SCN3A: variants seen among roughly 807,000 people sequenced by gnomAD.
SCN3A encodes the protein sodium voltage-gated channel alpha subunit 3.
SCN3A carries 60 observed loss-of-function variants against 187.6 expected under a neutral mutation model. The ratio of observed to expected loss-of-function variants is 0.32; its 90% CI spans 0.26 to 0.40. The LOEUF is 0.40. Ranked by LOEUF, SCN3A falls within the 10% of genes least tolerant of loss-of-function variation. The pLI, the probability that SCN3A is intolerant of heterozygous loss-of-function variation, is 1.00. For missense variants in SCN3A, 1,601 were observed against 2,428.2 expected (o/e 0.66, Z 7.16); for synonymous variants, 788 against 829.2 (o/e 0.95, Z 0.85).
intron 15 of SCN3A, 118 bp from the exon 16 acceptor site, chr2:165,131,535 T>A: frequency 1.9e-6 from 1 of 533,580 alleles, no homozygotes; most frequent in Non-Finnish European, 3.2e-6. Context: ...TGAGAGAATG[T>A]GACAAATCAA....
intron 15 of SCN3A, 55 bp from the exon 16 acceptor site, chr2:165,131,472 A>C: frequency 8.0e-7 from 1 of 1,250,902 alleles, no homozygotes; most frequent in Non-Finnish European, 1.1e-6. Context: ...CTGATGCTAC[A>C]CGAATTTATA....
chr2:165,154,492 T>C lies in SCN3A; in HGVS notation c.1340A>G (p.Gln447Arg). ...TTGCTTTTTAAGCTGTTCGAGCATC[T>C]GCTGAAATTCGGCCTCTTTTTGTTC... is the stretch of plus-strand genomic sequence containing the variant. ...EAEQKEAEFQ[Q>R]MLEQLKKQQE... Residue 447 changes from glutamine to arginine, a missense_variant, in exon 11 of 28, where the codon CAG (glutamine) becomes CGG (arginine). By Grantham distance (43) the Gln-to-Arg change is conservative (BLOSUM62 1). Transcript: ENST00000283254. 1 of 1,614,214 alleles carries C rather than the reference T, an allele frequency of 6.2e-7. No homozygotes were observed. Among genetic ancestry groups the C allele is most frequent in the East Asian group, 2.2e-5 (1 of 44,880 alleles).
chr2:165,173,318 C>T (rs1402047856), intron 3 of SCN3A, among the ~76,000 whole-genome samples: 1 of 152,098 alleles, frequency 6.6e-6, no homozygotes, highest in Admixed American at 6.6e-5. Flanking sequence ...GCTCTGGAGT[C>T]GAATGCCTGG....
At position 165,130,082 on chromosome 2, in the gene SCN3A, T is replaced by C. The variant is rs761594098; in HGVS notation, c.2780A>G (p.Asn927Ser). The C allele has an allele frequency of 1.9e-6, 3 of 1,614,148 alleles. No homozygotes were observed. Among genetic ancestry groups the C allele is most frequent in the South Asian group, 2.2e-5 (2 of 91,072 alleles). The change falls in exon 17 of 28, where the codon AAC becomes AGC. Residue 927 changes from asparagine (N) to serine (S), a missense_variant. By Grantham distance (46) the Asn-to-Ser change is conservative. Coordinates refer to ENST00000283254, the MANE Select transcript of SCN3A (RefSeq NM_006922.4). ...DDCTLPRWHM[N>S]DFFHSFLIVF... is the part of the protein sequence containing the mutation. ...AATCAGGAAGGAGTGGAAGAAGTCG[T>C]TCATGTGCCACCGTGGGAGCGTACA...
intron 17 of SCN3A, among the ~76,000 whole-genome samples, chr2:165,128,452 A>AG (rs1687127840): frequency 2.0e-5 from 3 of 152,178 alleles, no homozygotes; most frequent in Admixed American, 2.0e-4. Flanking sequence ...AGAGAGAGAA[A>AG]GATACTTTCT....
chr2:165,093,589 G>A (rs1361538330), intron 26 of SCN3A: 2 of 152,164 alleles, frequency 1.3e-5, no homozygotes, highest in East Asian at 1.9e-4. Flanking sequence ...GTCATGAAGT[G>A]ACCATGTTTT....
At chr2:165,139,449 T>C (rs775674874) in intron 14 of SCN3A, 27 bp downstream of exon 14, 13 of 1,613,486 alleles carry the variant, frequency 8.1e-6, no homozygotes, top group Admixed American at 5.0e-5. Flanking sequence ...TCACAGAAAG[T>C]TGGCTGTTCC....
At chr2:165,098,560 GC>G (rs1340042731) in intron 22 of SCN3A, among the ~76,000 whole-genome samples, 1 of 152,118 alleles carries the variant, frequency 6.6e-6, no homozygotes, top group East Asian at 1.9e-4. Context: ...TTCTGGCTGG[GC>G]CCGTAAAGTC....
chr2:165,170,633 A>G (rs1412066293), intron 3 of SCN3A, 85 bp from the exon 4 acceptor site: 1 of 840,742 alleles, frequency 1.2e-6, no homozygotes, highest in Non-Finnish European at 2.0e-6. Flanking sequence ...TTTTTAAAAA[A>G]TAGAATTTGT....
intron 1 of SCN3A, among the ~76,000 whole-genome samples, chr2:165,201,392 T>C (rs1338466329): frequency 6.6e-6 from 1 of 152,074 alleles, no homozygotes; most frequent in Non-Finnish European, 1.5e-5. Flanking sequence ...GTGGAAGATA[T>C]TATATCACCA....
chr2:165,160,831 A>G (rs75809397), intron 9 of SCN3A, among the ~76,000 whole-genome samples: 34,410 of 151,852 alleles, frequency 0.23, 5,104 homozygotes, highest in East Asian at 0.52. Flanking sequence ...AGTAGAGACA[A>G]GGTTTCGCCA....
chr2:165,140,635 G>A lies in SCN3A; in HGVS notation c.2019+16C>T, dbSNP rs374354667. On this transcript the variant is annotated intron_variant, in intron 13 of 27. Transcript: ENST00000283254. This position sits in a 1 kb window ranked among gnomAD's most constrained non-coding sequence, Gnocchi z 4.2. ...TGGTGAATAATGTCAGTAGCAGCTAGGTCATCTATTATCACCTCTGGGGGA... is the reference window on the plus strand; with the variant it reads ...TGGTGAATAATGTCAGTAGCAGCTAAGTCATCTATTATCACCTCTGGGGGA... 6 of 1,602,454 alleles carry A rather than the reference G, an allele frequency of 3.7e-6. No homozygotes were observed. Among genetic ancestry groups the A allele is most frequent in the East Asian group, 4.5e-5 (2 of 44,794 alleles).
chr2:165,165,145 A>G (rs1162776355), intron 5 of SCN3A, among the ~76,000 whole-genome samples: 2 of 152,066 alleles, frequency 1.3e-5, no homozygotes, highest in Non-Finnish European at 2.9e-5. Flanking sequence ...CATAGAAAAT[A>G]TATTTCTTTT....
At chr2:165,157,597 CCCTTTTCTT>C in intron 9 of SCN3A, among the ~76,000 whole-genome samples, 1 of 152,278 alleles carries the variant, frequency 6.6e-6, no homozygotes, top group East Asian at 1.9e-4. Flanking sequence ...TAAATTTACT[CCCTTTTCTT>C]CCTTTTCCAT....
chr2:165,094,566 A>AT, intron 25 of SCN3A, 88 bp from the exon 26 acceptor site: 1 of 866,306 alleles, frequency 1.2e-6, no homozygotes, highest in Non-Finnish European at 1.9e-6. Context: ...ATCTTTTCTA[A>AT]TTTTTAAGTG....
chr2:165,199,458 C>T (rs1559288516), intron 1 of SCN3A, among the ~76,000 whole-genome samples: 1 of 151,908 alleles, frequency 6.6e-6, no homozygotes, highest in African/African-American at 2.4e-5. Flanking sequence ...ATATTGTAAA[C>T]TTGCTTGCAA....
chr2:165,112,489 C>T (rs1686168968), intron 21 of SCN3A, among the ~76,000 whole-genome samples: 1 of 152,184 alleles, frequency 6.6e-6, no homozygotes. Context: ...AGTTTACACA[C>T]TTTCTGACCT....
At position 165,092,649 on chromosome 2, in the gene SCN3A, C is replaced by G. The variant is rs1685164238; in HGVS notation, c.4537-125G>C. ...TGCACCCTCCTCATATTACCCCAAA[C>G]AATTTTGTGTGCTTTTTTTCTCTTC... On this transcript the variant is annotated intron_variant, in intron 26 of 27. Coordinates refer to ENST00000283254, the MANE Select transcript of SCN3A (RefSeq NM_006922.4). The surrounding 1 kb of genome is among the most constrained non-coding windows in gnomAD (Gnocchi z 4.2). The G allele has an allele frequency of 2.4e-6, 2 of 848,724 alleles. No homozygotes were observed. The highest frequency in any genetic ancestry group is 1.7e-5 in the African/African-American group (1 of 57,750). The allele number at this position is 848,724 out of a possible 1,614,324, so 52.6% of individuals were successfully genotyped here.
At chr2:165,135,093 A>G (rs1489793610) in intron 15 of SCN3A, among the ~76,000 whole-genome samples, 2 of 152,070 alleles carry the variant, frequency 1.3e-5, no homozygotes, top group African/African-American at 4.8e-5. Context: ...GTACATTTTA[A>G]TCTAGTTTCA....
Sources: allele counts gnomAD v4.1 joint callset (sites outside exome capture counted in the v4.1 genomes callset), GRCh38; gene constraint gnomAD v4.1.1; non-coding constraint Gnocchi (gnomAD v3.1); transcripts MANE v1.5; gene names NCBI Gene and HGNC (gene_info 2026-07-23, HGNC 2026-07-21).